Variants in HMGXB4 observed in about 807,000 individuals in gnomAD.
HMGXB4 encodes the protein HMG-box containing 4.
A neutral mutation model predicts 63.9 loss-of-function variants in HMGXB4; 27 were observed. The observed-to-expected ratio is 0.42, with a 90% CI of 0.31 to 0.58. The LOEUF (loss-of-function observed/expected upper bound fraction) is 0.58, where lower values mean the gene tolerates loss of function less well. HMGXB4 is among the 20% of genes least tolerant of loss of function. The pLI is 0.13. For missense variants in HMGXB4, 624 were observed against 700.7 expected (o/e 0.89, Z 1.24); for synonymous variants, 264 against 265.3 (o/e 0.99, Z 0.05).
At chr22:35,268,299 C>T (rs1923390042) in intron 5 of HMGXB4, among the ~76,000 whole-genome samples, 1 of 152,260 alleles carries the variant, frequency 6.6e-6, no homozygotes, top group South Asian at 2.1e-4. Context: ...TTCACTTTTA[C>T]ATTTCCCCCT....
At chr22:35,256,546 C>T (rs1278081774), upstream of HMGXB4, among the ~76,000 whole-genome samples, 18 of 152,202 alleles carry the variant, frequency 1.2e-4, no homozygotes, top group Admixed American at 1.1e-3. Flanking sequence ...GTCCCCCAGG[C>T]TGGAGTGCAG....
intron 5 of HMGXB4, among the ~76,000 whole-genome samples, chr22:35,272,315 G>A (rs1923653217): frequency 6.6e-6 from 1 of 152,138 alleles, no homozygotes; most frequent in South Asian, 2.1e-4. Flanking sequence ...TGAGCGGTGT[G>A]GAAGTGAACG....
At chr22:35,254,134 G>A (rs186700619), upstream of HMGXB4, among the ~76,000 whole-genome samples, 46 of 152,320 alleles carry the variant, frequency 3.0e-4, no homozygotes, top group African/African-American at 8.9e-4. Flanking sequence ...CAATTTGACA[G>A]GCCCCACCTG....
chr22:35,254,092 T>C (rs1436690687), upstream of HMGXB4, among the ~76,000 whole-genome samples: 18 of 152,138 alleles, frequency 1.2e-4, no homozygotes, highest in Admixed American at 9.8e-4. Context: ...CACAGAAAAG[T>C]GGCCTGAAGA....
At chr22:35,269,863 A>G (rs552948741) in intron 5 of HMGXB4, among the ~76,000 whole-genome samples, 7 of 152,188 alleles carry the variant, frequency 4.6e-5, no homozygotes, top group Non-Finnish European at 8.8e-5. Flanking sequence ...CTGGAGTCCC[A>G]GCTACTCCTG....
chr22:35,269,358 A>G (rs928120437), intron 5 of HMGXB4, among the ~76,000 whole-genome samples: 5 of 152,232 alleles, frequency 3.3e-5, no homozygotes, highest in Non-Finnish European at 7.3e-5. Context: ...AGCCTGGGTG[A>G]CAGTGTGAGA....
At chr22:35,256,273 G>C (rs1601618593), upstream of HMGXB4, among the ~76,000 whole-genome samples, 1 of 152,130 alleles carries the variant, frequency 6.6e-6, no homozygotes, top group Non-Finnish European at 1.5e-5. Context: ...TAGGACAGAG[G>C]TTCTTAATTT....
At chr22:35,262,734 CCA>C (rs1922941584) in intron 2 of HMGXB4, 1 of 518,558 alleles carries the variant, frequency 1.9e-6, no homozygotes, top group African/African-American at 1.9e-5. Context: ...TCCTGGACTC[CCA>C]CAGAGAGCAG....
At chr22:35,260,397 T>C (rs1379144977) in intron 1 of HMGXB4, among the ~76,000 whole-genome samples, 3 of 152,236 alleles carry the variant, frequency 2.0e-5, no homozygotes, top group Non-Finnish European at 4.4e-5. Context: ...TAAATTGATA[T>C]AATTCCCTGT....
chr22:35,267,866 A>C (rs1923358427), intron 5 of HMGXB4, among the ~76,000 whole-genome samples: 1 of 152,188 alleles, frequency 6.6e-6, no homozygotes, highest in African/African-American at 2.4e-5. Context: ...ATGTATCTCA[A>C]AGTAAATTGC....
chr22:35,259,758 T>A (rs902550280), intron 1 of HMGXB4, among the ~76,000 whole-genome samples: 1 of 152,244 alleles, frequency 6.6e-6, no homozygotes, highest in Non-Finnish European at 1.5e-5. Context: ...CTGCCCCAGT[T>A]CTTCAGTGAA....
At chr22:35,242,436 G>A in the HMGXB4 span, among the ~76,000 whole-genome samples, 648 of 152,260 alleles carry the variant, frequency 4.3e-3, 6 homozygotes, top group African/African-American at 0.014. Flanking sequence ...AAATTTATGT[G>A]TGTAGAGTTG....
At chr22:35,286,183 G>A (rs1400681085) in intron 7 of HMGXB4, 122 bp downstream of exon 7, 5 of 710,812 alleles carry the variant, frequency 7.0e-6, no homozygotes, top group African/African-American at 1.8e-5. Flanking sequence ...CAAATCAACA[G>A]AAAATGGTTT....
At chr22:35,270,135 AC>A (rs1923516024) in intron 5 of HMGXB4, among the ~76,000 whole-genome samples, 1 of 152,208 alleles carries the variant, frequency 6.6e-6, no homozygotes, top group South Asian at 2.1e-4. Flanking sequence ...CCTGTGGGGA[AC>A]CAGCCACATA....
intron 5 of HMGXB4, among the ~76,000 whole-genome samples, chr22:35,278,548 G>A (rs1040493139): frequency 6.6e-6 from 1 of 151,762 alleles, no homozygotes; most frequent in African/African-American, 2.4e-5. Flanking sequence ...AAGAATGAGT[G>A]ACTGAATATT....
At chr22:35,278,939 C>T (rs1261249374) in intron 5 of HMGXB4, among the ~76,000 whole-genome samples, 1 of 151,028 alleles carries the variant, frequency 6.6e-6, no homozygotes, top group African/African-American at 2.4e-5. Flanking sequence ...CTTAACTACT[C>T]AGGAGGCTGA....
chr22:35,270,907 T>C (rs1486097977), intron 5 of HMGXB4, among the ~76,000 whole-genome samples: 4 of 152,232 alleles, frequency 2.6e-5, no homozygotes, highest in Non-Finnish European at 5.9e-5. Flanking sequence ...AAAAAATTCC[T>C]ATAAAGCTTT....
the HMGXB4 span, among the ~76,000 whole-genome samples, chr22:35,246,621 G>C: frequency 6.6e-6 from 1 of 152,202 alleles, no homozygotes; most frequent in Admixed American, 6.5e-5. Context: ...TGGCTAGAAA[G>C]AGCATGCTTC....
intron 3 of HMGXB4, 126 bp downstream of exon 3, chr22:35,263,352 C>T: frequency 2.8e-6 from 2 of 720,286 alleles, no homozygotes; most frequent in Non-Finnish European, 4.4e-6. Flanking sequence ...GGCACAATCT[C>T]TGCTCACTGC....
Sources: gnomAD v4.1 joint callset for allele counts (sites outside exome capture counted in the v4.1 genomes callset) on GRCh38, gnomAD v4.1.1 for gene constraint, MANE v1.5 for transcripts, NCBI Gene and HGNC (gene_info 2026-07-23, HGNC 2026-07-21) for gene names.